The following SNTG2 variants were observed in gnomAD, a reference collection of about 807,000 sequenced individuals.
SNTG2 encodes gamma-2-syntrophin.
Under a neutral mutation model 70.9 loss-of-function variants are expected in SNTG2, and 74 were observed. The observed-to-expected ratio is 1.04, with a 90% CI of 0.86 to 1.27. The LOEUF (loss-of-function observed/expected upper bound fraction) is 1.27, where lower values mean the gene tolerates loss of function less well. Ranked by LOEUF, SNTG2 falls within the 50% of genes most tolerant of loss-of-function variation. The pLI is 0.00. For missense variants in SNTG2, 717 were observed against 690.7 expected, an observed-to-expected ratio of 1.04 and a Z score of -0.43; for synonymous variants, 278 against 273.8, an observed-to-expected ratio of 1.02 and a Z score of -0.15.
At chr2:1,003,456 T>C (rs1659471798) in intron 1 of SNTG2, among the ~76,000 whole-genome samples, 1 of 152,152 alleles carries the variant, frequency 6.6e-6, no homozygotes, top group African/African-American at 2.4e-5. Flanking sequence ...GAGGCTTCCA[T>C]AATTAACAGG....
intron 13 of SNTG2, among the ~76,000 whole-genome samples, chr2:1,266,982 G>C (rs1342980857): frequency 6.6e-6 from 1 of 152,076 alleles, no homozygotes; most frequent in East Asian, 1.9e-4. Context: ...TGTTGCCCAG[G>C]CTGGTCTCAG....
chr2:1,182,317 A>G (rs905217337), intron 8 of SNTG2, among the ~76,000 whole-genome samples: 2 of 149,556 alleles, frequency 1.3e-5, no homozygotes, highest in Admixed American at 1.3e-4. Flanking sequence ...AAAGAACAAA[A>G]TATTTCTGAT....
chr2:1,016,134 T>C (rs1472221804), intron 1 of SNTG2, among the ~76,000 whole-genome samples: 1 of 152,170 alleles, frequency 6.6e-6, no homozygotes, highest in East Asian at 1.9e-4. Context: ...AAGGCAGTTA[T>C]AGAGCACAGT....
rs530408630 is a variant in SNTG2 at position 1,170,083 on chromosome 2, G to T, written c.500-3009G>T. On this transcript the variant is annotated intron_variant, in intron 7 of 16. Transcript: ENST00000308624. Reference sequence around the variant, plus strand: ...TCCACCGAGCAGCTCCAGTGAGTGGGGAAAGAGAGTATCACGGCAGATCTG... The same window carrying T: ...TCCACCGAGCAGCTCCAGTGAGTGGTGAAAGAGAGTATCACGGCAGATCTG... Among the ~76,000 whole-genome samples the T allele has an allele frequency of 1.7e-4, 26 of 152,220 alleles. No homozygotes were observed. The South Asian group carries it at 5.4e-3, about 32-fold the overall frequency.
intron 14 of SNTG2, among the ~76,000 whole-genome samples, chr2:1,288,005 C>T (rs1373686645): frequency 6.6e-6 from 1 of 151,916 alleles, no homozygotes; most frequent in African/African-American, 2.4e-5. Context: ...CACCTGGAAC[C>T]TCGGACAAGT....
intron 16 of SNTG2, among the ~76,000 whole-genome samples, chr2:1,362,455 G>A (rs376642072): frequency 3.7e-5 from 3 of 81,294 alleles, no homozygotes; most frequent in African/African-American, 9.7e-5. Context: ...CTTCCATGAA[G>A]GTCACCGATG....
At chr2:1,055,673 G>T (rs1662346285) in intron 1 of SNTG2, among the ~76,000 whole-genome samples, 1 of 152,196 alleles carries the variant, frequency 6.6e-6, no homozygotes, top group African/African-American at 2.4e-5. Flanking sequence ...AAACCATGTT[G>T]CAGAAATTCA....
intron 4 of SNTG2, among the ~76,000 whole-genome samples, chr2:1,123,070 C>A (rs7561843): frequency 0.48 from 72,405 of 151,838 alleles, 18,386 homozygotes; most frequent in East Asian, 0.66. Context: ...AAGAAGATAC[C>A]AATAAATGGA....
chr2:1,342,493 G>C (rs375524325), intron 16 of SNTG2, among the ~76,000 whole-genome samples: 7 of 32,848 alleles, frequency 2.1e-4, no homozygotes, highest in South Asian at 1.5e-3. Flanking sequence ...TTCTGGGCAC[G>C]CCTGGCCCAG....
At chr2:978,779 G>T (rs1038582996) in intron 1 of SNTG2, among the ~76,000 whole-genome samples, 3 of 152,170 alleles carry the variant, frequency 2.0e-5, no homozygotes, top group Admixed American at 6.5e-5. Context: ...GGTAAGTCTC[G>T]CAATGAGAAG....
chr2:1,005,575 G>C (rs1328513085), intron 1 of SNTG2, among the ~76,000 whole-genome samples: 2 of 151,396 alleles, frequency 1.3e-5, no homozygotes, highest in Non-Finnish European at 2.9e-5. Flanking sequence ...AGGCTGAGGC[G>C]GGTGGATCGC....
intron 8 of SNTG2, among the ~76,000 whole-genome samples, chr2:1,205,054 G>A (rs1294959353): frequency 1.3e-5 from 2 of 152,170 alleles, no homozygotes; most frequent in Non-Finnish European, 2.9e-5. Flanking sequence ...CAAAATGGGT[G>A]ATAAGGTTTT....
intron 14 of SNTG2, among the ~76,000 whole-genome samples, chr2:1,291,487 C>T (rs1465960493): frequency 6.6e-6 from 1 of 152,096 alleles, no homozygotes; most frequent in Non-Finnish European, 1.5e-5. Context: ...TTAGCTGTGA[C>T]ATTTAGAGTT....
intron 4 of SNTG2, among the ~76,000 whole-genome samples, chr2:1,114,765 T>C (rs1666820037): frequency 6.6e-6 from 1 of 152,154 alleles, no homozygotes; most frequent in East Asian, 1.9e-4. Flanking sequence ...ACCCTTATAC[T>C]CCTTTGAGAA....
At chr2:1,360,739 C>T (rs1661094595) in intron 16 of SNTG2, among the ~76,000 whole-genome samples, 1 of 152,134 alleles carries the variant, frequency 6.6e-6, no homozygotes, top group Non-Finnish European at 1.5e-5. Flanking sequence ...CACCCCCCTA[C>T]ATCCAGCATC....
intron 1 of SNTG2, among the ~76,000 whole-genome samples, chr2:967,489 G>A (rs73165769): frequency 0.34 from 52,096 of 151,992 alleles, 9,656 homozygotes; most frequent in Middle Eastern, 0.47. Context: ...TTTTTAGTCT[G>A]TTTTTATGGT....
chr2:976,770 A>G (rs2147962438), intron 1 of SNTG2, among the ~76,000 whole-genome samples: 1 of 152,182 alleles, frequency 6.6e-6, no homozygotes. Flanking sequence ...TTCTGAGCAG[A>G]TGAGCAGGTC....
At chr2:1,120,963 T>C (rs1218152861) in intron 4 of SNTG2, among the ~76,000 whole-genome samples, 1 of 151,826 alleles carries the variant, frequency 6.6e-6, no homozygotes, top group East Asian at 1.9e-4. Context: ...CATTTTTCTA[T>C]AGCACACATG....
At position 1,218,743 on chromosome 2, in the gene SNTG2, G is replaced by A. The variant is rs758442431; in HGVS notation, c.719+9513G>A. Among the ~76,000 whole-genome samples, 11 of 152,146 alleles carry A rather than the reference G, an allele frequency of 7.2e-5. No individual in the cohort carries two copies. The East Asian group carries it at 1.5e-3, about 21-fold the overall frequency. On this transcript the variant is annotated intron_variant, in intron 9 of 16. Transcript: ENST00000308624. Reference sequence around the variant, plus strand: ...AGCAGGTGGTATGAAGGAATAGTACGGGGATAGGAACTAAGAGATTTCTAA... The same window carrying A: ...AGCAGGTGGTATGAAGGAATAGTACAGGGATAGGAACTAAGAGATTTCTAA...
Sources: allele counts gnomAD v4.1 joint callset (sites outside exome capture counted in the v4.1 genomes callset), GRCh38; gene constraint gnomAD v4.1.1; transcripts MANE v1.5; gene names NCBI Gene and HGNC (gene_info 2026-07-23, HGNC 2026-07-21).